Variants in AEBP2 observed in about 807,000 individuals in gnomAD.
AEBP2 encodes AE binding protein 2.
AEBP2 carries 10 observed loss-of-function variants against 50.8 expected under a neutral mutation model. The ratio of observed to expected loss-of-function variants is 0.20; its 90% confidence interval spans 0.12 to 0.33. The LOEUF is 0.33. Among genes scored for constraint, AEBP2 ranks in the 10% least tolerant of loss-of-function variants. AEBP2 has a pLI of 1.00. For synonymous variants in AEBP2, 296 were observed against 261.3 expected (o/e 1.13, Z -1.28); for missense variants, 570 against 688.0 (o/e 0.83, Z 1.92).
At chr12:19,456,920 T>A in intron 1 of AEBP2, 1 of 1,447,152 alleles carries the variant, frequency 6.9e-7, no homozygotes. Context: ...GTTGGATGAG[T>A]TGGTGGTAGG....
intron 1 of AEBP2, among the ~76,000 whole-genome samples, chr12:19,443,859 AT>A (rs149571853): frequency 0.022 from 3,419 of 152,250 alleles, 47 homozygotes; most frequent in East Asian, 0.043. Context: ...CAAAAAGTTG[AT>A]TTTTTTCCCC....
intron 3 of AEBP2, among the ~76,000 whole-genome samples, chr12:19,476,523 G>A (rs535009379): frequency 3.2e-5 from 4 of 124,060 alleles, no homozygotes; most frequent in African/African-American, 9.8e-5. Context: ...TAAATTTTTA[G>A]TAGAGACAGA....
At chr12:19,449,189 T>A (rs1565708051) in intron 1 of AEBP2, among the ~76,000 whole-genome samples, 1 of 152,216 alleles carries the variant, frequency 6.6e-6, no homozygotes, top group African/African-American at 2.4e-5. Flanking sequence ...AAGATCTTTT[T>A]ATGATTTAAT....
chr12:19,457,534 T>C (rs755595387), intron 1 of AEBP2: 422 of 1,481,968 alleles, frequency 2.8e-4, no homozygotes, highest in Non-Finnish European at 3.6e-4. Context: ...ATTTTTTCAA[T>C]GGTTCTTTTG....
At chr12:19,488,250 A>G (rs1948842865) in intron 3 of AEBP2, among the ~76,000 whole-genome samples, 1 of 151,096 alleles carries the variant, frequency 6.6e-6, no homozygotes, top group Non-Finnish European at 1.5e-5. Flanking sequence ...CAGCCTCCAA[A>G]GTAGCTGGGA....
chr12:19,506,347 A>G (rs1270321736), intron 5 of AEBP2, among the ~76,000 whole-genome samples: 1 of 151,390 alleles, frequency 6.6e-6, no homozygotes, highest in Non-Finnish European at 1.5e-5. Context: ...TGATCCACTC[A>G]CCTTGGCCTC....
At chr12:19,475,479 C>G (rs1201533465) in intron 3 of AEBP2, among the ~76,000 whole-genome samples, 2 of 148,960 alleles carry the variant, frequency 1.3e-5, no homozygotes, top group Non-Finnish European at 3.0e-5. Context: ...TATATATATA[C>G]TGCATTTTCT....
chr12:19,442,133 C>T (rs990353689), intron 1 of AEBP2, among the ~76,000 whole-genome samples: 5 of 152,206 alleles, frequency 3.3e-5, no homozygotes, highest in South Asian at 2.1e-4. Flanking sequence ...TGAGGCCGGG[C>T]GCGGTGGCTC....
At chr12:19,414,854 T>C (rs903280989) in intron 1 of AEBP2, among the ~76,000 whole-genome samples, 1 of 149,858 alleles carries the variant, frequency 6.7e-6, no homozygotes, top group Non-Finnish European at 1.5e-5. Flanking sequence ...ATCTGGAAAG[T>C]GGAGGTTTTA....
rs556304731 is a variant in AEBP2 at position 19,460,498 on chromosome 12, C to T, written c.672-2012C>T. Reference sequence around the variant, plus strand: ...CCTCCCGAGTAGCTGGGATTACAGGCGTGTGCCACCATGCCCAGCTGATTT... The same window carrying T: ...CCTCCCGAGTAGCTGGGATTACAGGTGTGTGCCACCATGCCCAGCTGATTT... On this transcript the variant is annotated intron_variant, in intron 1 of 7. Coordinates refer to ENST00000266508, the MANE Select transcript of AEBP2 (RefSeq NM_153207.5). 5.9e-5 allele frequency among the ~76,000 whole-genome samples: 9 copies of T among 152,178 alleles called. No individual in the cohort carries two copies. The South Asian group carries it at 1.0e-3, about 18-fold the overall frequency.
chr12:19,409,377 T>C (rs1157990343), intron 1 of AEBP2, among the ~76,000 whole-genome samples: 1 of 152,072 alleles, frequency 6.6e-6, no homozygotes, highest in Non-Finnish European at 1.5e-5. Context: ...CCCTATTGCA[T>C]TATCCTACAT....
chr12:19,509,922 G>T (rs1200675872), intron 5 of AEBP2, among the ~76,000 whole-genome samples: 2 of 132,534 alleles, frequency 1.5e-5, no homozygotes, highest in East Asian at 4.8e-4. Context: ...AGCTTCCGCT[G>T]CCCAGGTTTA....
chr12:19,474,749 T>TC (rs2153372615), intron 3 of AEBP2, among the ~76,000 whole-genome samples: 1 of 152,186 alleles, frequency 6.6e-6, no homozygotes, highest in Middle Eastern at 3.4e-3. Flanking sequence ...CTTGAAATAC[T>TC]ATATTGTATA....
rs760434888 is a variant in AEBP2, at chr12:19,518,130, T to TA, written c.*14dup. On this transcript the variant is annotated 3_prime_UTR_variant, in exon 8 of 8. Transcript: ENST00000266508. ...GTTGAAGAGGTAAAAAATAAATAAA[T>TA]ACATAAAAAGCAAACAAGCGGGGAC... The TA allele has an allele frequency of 6.3e-7, 1 of 1,589,576 alleles. No homozygotes were observed. The highest frequency in any genetic ancestry group is 8.6e-7 in the Non-Finnish European group (1 of 1,167,828).
chr12:19,451,581 C>T (rs2085026263), intron 1 of AEBP2, among the ~76,000 whole-genome samples: 1 of 152,226 alleles, frequency 6.6e-6, no homozygotes, highest in South Asian at 2.1e-4. Flanking sequence ...CTGCAGTAGT[C>T]TCAGGCCTGA....
At chr12:19,463,406 C>T (rs1761860193) in intron 2 of AEBP2, among the ~76,000 whole-genome samples, 1 of 152,092 alleles carries the variant, frequency 6.6e-6, no homozygotes, top group African/African-American at 2.4e-5. Flanking sequence ...GAATAGTTAT[C>T]ACACTTAGTG....
intron 1 of AEBP2, chr12:19,456,298 C>A: frequency 6.6e-7 from 1 of 1,521,760 alleles, no homozygotes. Flanking sequence ...CCAGCTCCAG[C>A]AGCCTTCTTG....
chr12:19,459,504 T>G (rs960000832), intron 1 of AEBP2, among the ~76,000 whole-genome samples: 1 of 152,190 alleles, frequency 6.6e-6, no homozygotes, highest in Non-Finnish European at 1.5e-5. Context: ...CTGCTGGGAT[T>G]ACAGGCGTGA....
At chr12:19,500,590 G>GT (rs1949053806) in intron 5 of AEBP2, among the ~76,000 whole-genome samples, 1 of 152,138 alleles carries the variant, frequency 6.6e-6, no homozygotes, top group Admixed American at 6.5e-5. Context: ...CCTCTAAAAA[G>GT]TTTCATTCAC....
Sources: gnomAD v4.1 joint callset for allele counts (sites outside exome capture counted in the v4.1 genomes callset) on GRCh38, gnomAD v4.1.1 for gene constraint, MANE v1.5 for transcripts, NCBI Gene and HGNC (gene_info 2026-07-23, HGNC 2026-07-21) for gene names.